TET1: variants seen among roughly 807,000 people sequenced by gnomAD.
TET1 encodes the protein tet methylcytosine dioxygenase 1.
TET1 carries 13 observed loss-of-function variants against 148.7 expected under a neutral mutation model. That is an observed-to-expected ratio of 0.09 (90% confidence interval 0.06 to 0.14). The LOEUF (loss-of-function observed/expected upper bound fraction) is 0.14. Among genes scored for constraint, TET1 ranks in the 10% least tolerant of loss-of-function variants. The pLI, the probability that TET1 is intolerant of heterozygous loss-of-function variation, is 1.00. For missense variants in TET1, 2,182 were observed against 2,553.8 expected, an observed-to-expected ratio of 0.85 and a Z score of 3.14; for synonymous variants, 907 against 937.2, an observed-to-expected ratio of 0.97 and a Z score of 0.59.
chr10:68,588,363 A>G (rs2132832990), intron 2 of TET1, among the ~76,000 whole-genome samples: 2 of 152,326 alleles, frequency 1.3e-5, no homozygotes, highest in South Asian at 2.1e-4. Context: ...CAACAATCGT[A>G]TGAAATATAT....
intron 10 of TET1, 144 bp downstream of exon 10, chr10:68,683,117 AAAG>A: frequency 2.9e-6 from 3 of 1,034,232 alleles, no homozygotes; most frequent in Non-Finnish European, 4.1e-6. Flanking sequence ...AAGTGAAAAA[AAAG>A]AAATAAGTGT....
intron 3 of TET1, among the ~76,000 whole-genome samples, chr10:68,640,803 G>A (rs897826373): frequency 6.6e-6 from 1 of 151,156 alleles, no homozygotes; most frequent in South Asian, 2.1e-4. Context: ...TGCCCGCCTT[G>A]GCCTCCCAAA....
chr10:68,582,490 C>A (rs1172365096), intron 2 of TET1, among the ~76,000 whole-genome samples: 1 of 152,162 alleles, frequency 6.6e-6, no homozygotes, highest in Admixed American at 6.6e-5. Context: ...AATTGTAATA[C>A]CTACATGGGC....
intron 3 of TET1, chr10:68,632,286 C>G: frequency 1.8e-6 from 2 of 1,124,010 alleles, no homozygotes; most frequent in Non-Finnish European, 2.5e-6. Flanking sequence ...CCCGCCACTG[C>G]ACTCCAGCCT....
chr10:68,590,679 T>C (rs1448873854), intron 2 of TET1, among the ~76,000 whole-genome samples: 2 of 151,728 alleles, frequency 1.3e-5, no homozygotes, highest in Admixed American at 6.6e-5. Flanking sequence ...ATAAAAACAA[T>C]TGGAGGCTGA....
At chr10:68,669,474 C>CTTTTTTTTTTTTTTTTTTTTTTTTT (rs3085667) in intron 7 of TET1, among the ~76,000 whole-genome samples, 282 of 61,226 alleles carry the variant, frequency 4.6e-3, no homozygotes, top group Non-Finnish European at 5.9e-3. Flanking sequence ...CCATGCCCAG[C>CTTTTTTTTTTTTTTTTTTTTTTTTT]TTTTTTTTTT....
Position 68,691,390 on chromosome 10 carries a change from A to G in TET1, c.5987A>G (p.Asp1996Gly). Residue 1996 changes from aspartate to glycine, a missense_variant, in exon 12 of 12, where the codon GAC becomes GGC. By Grantham distance (94) the Asp-to-Gly change is moderately conservative (BLOSUM62 -1). This residue lies in a region of TET1 where 380 missense variants were observed against 387.9 expected (regional missense o/e 0.98). Transcript: ENST00000373644. The surrounding 1 kb of genome is among the most constrained non-coding windows in gnomAD (Gnocchi z 4.4). ...CCCCACATTGATGAGTATTGGTCAG[A>G]CAGTGAGCACATCTTTTTGGATGCA... ...KLPHIDEYWS[D>G]SEHIFLDANI... 2 of 1,614,164 alleles carry G rather than the reference A, an allele frequency of 1.2e-6. No homozygotes were observed. Among genetic ancestry groups the G allele is most frequent in the Non-Finnish European group, 1.7e-6 (2 of 1,180,028 alleles).
At chr10:68,678,715 AC>A (rs71474426) in intron 8 of TET1, among the ~76,000 whole-genome samples, 115 of 151,902 alleles carry the variant, frequency 7.6e-4, no homozygotes, top group African/African-American at 2.6e-3. Context: ...GCACCACTGC[AC>A]CCCCCCACAC....
At chr10:68,678,353 T>A (rs1024455053) in intron 8 of TET1, among the ~76,000 whole-genome samples, 1 of 152,172 alleles carries the variant, frequency 6.6e-6, no homozygotes, top group African/African-American at 2.4e-5. Context: ...GAAATCTACA[T>A]GGGAATGTCA....
chr10:68,585,378 C>T (rs190117238), intron 2 of TET1, among the ~76,000 whole-genome samples: 21 of 152,232 alleles, frequency 1.4e-4, no homozygotes, highest in Admixed American at 7.9e-4. Context: ...AGGTGATCAG[C>T]CTGCCTCAGC....
rs755086264 is a variant in TET1, at chr10:68,686,558, C to T, written c.5255C>T (p.Pro1752Leu). The T allele has an allele frequency of 2.5e-6, 4 of 1,613,996 alleles. No homozygotes were observed. The African/African-American group carries it at 5.3e-5, about 22-fold the overall frequency. Residue 1752 changes from proline to leucine, a missense_variant, in exon 11 of 12, where the codon CCC becomes CTC. Physicochemically the swap from Pro to Leu is moderately conservative, Grantham distance 98. Around this residue, in one of 11 missense-constraint regions of TET1, gnomAD observed 380 missense variants for 387.9 expected, o/e 0.98. Coordinates refer to ENST00000373644, the MANE Select transcript of TET1 (RefSeq NM_030625.3). Reference protein sequence around the residue: ...KKRTCFTQPVPRSGKKRAAMM... With the variant: ...KKRTCFTQPVLRSGKKRAAMM... ...AGAACGTGTTTCACTCAGCCTGTTCCCCGTTCTGGAAAGAAGAGGGCTGCG... is the reference window on the plus strand; with the variant it reads ...AGAACGTGTTTCACTCAGCCTGTTCTCCGTTCTGGAAAGAAGAGGGCTGCG...
At chr10:68,603,591 C>A (rs2054085609) in intron 3 of TET1, among the ~76,000 whole-genome samples, 1 of 152,008 alleles carries the variant, frequency 6.6e-6, no homozygotes, top group South Asian at 2.1e-4. Context: ...CAAAACCTAG[C>A]AAAATCCTGT....
intron 4 of TET1, among the ~76,000 whole-genome samples, chr10:68,650,316 G>C (rs1370018275): frequency 6.6e-6 from 1 of 151,872 alleles, no homozygotes; most frequent in Non-Finnish European, 1.5e-5. Flanking sequence ...CTAAGAATAA[G>C]ATAAAATCTA....
Position 68,646,008 on chromosome 10 carries a change from A to G in TET1, c.3279A>G (p.Ile1093Met). The change falls in exon 4 of 12, where the codon ATA becomes ATG. Residue 1093 changes from isoleucine (I) to methionine (M), a missense_variant. Physicochemically the swap from Ile to Met is conservative, Grantham distance 10. Transcript: ENST00000373644. ...QLASIIKINY[I>M]KPEDKKVEST... ...CTTCGATAATTAAGATCAATTATAT[A>G]AAACCAGAGGACAAAAAAGTTGAAA... The G allele has an allele frequency of 6.2e-7, 1 of 1,614,136 alleles. No individual in the cohort carries two copies. The highest frequency in any genetic ancestry group is 8.5e-7 in the Non-Finnish European group (1 of 1,180,038).
At chr10:68,654,381 C>T (rs547908222) in intron 6 of TET1, among the ~76,000 whole-genome samples, 7 of 151,934 alleles carry the variant, frequency 4.6e-5, no homozygotes, top group Non-Finnish European at 7.4e-5. Flanking sequence ...TATGGGAGGC[C>T]GAGTGGGGCA....
intron 6 of TET1, among the ~76,000 whole-genome samples, chr10:68,665,570 T>C (rs1194030417): frequency 6.6e-6 from 1 of 152,136 alleles, no homozygotes; most frequent in Non-Finnish European, 1.5e-5. Context: ...AAACTTGGAA[T>C]ATCCAGAAAA....
At chr10:68,624,897 A>G (rs75256970) in intron 3 of TET1, among the ~76,000 whole-genome samples, 1 of 150,512 alleles carries the variant, frequency 6.6e-6, no homozygotes, top group African/African-American at 2.5e-5. Context: ...ACGCCCAGCT[A>G]ATTTTTTTTT....
rs778620176 is a variant in TET1, at chr10:68,645,459, A to G, written c.2730A>G (p.Pro910=). The change falls in exon 4 of 12, where the codon CCA becomes CCG. Residue 910 remains proline, a synonymous_variant. Coordinates refer to ENST00000373644, the MANE Select transcript of TET1 (RefSeq NM_030625.3). Reference sequence around the variant, plus strand: ...AAGCCCCATCAGAGAATTCCTCCCCATCAAAGTCAGAGAAGGATGAGGAAT... The same window carrying G: ...AAGCCCCATCAGAGAATTCCTCCCCGTCAAAGTCAGAGAAGGATGAGGAAT... ...LSEAPSENSS[P]SKSEKDEESE... 4.3e-6 allele frequency: 7 copies of G among 1,613,896 alleles called. No individual in the cohort carries two copies. Among genetic ancestry groups the G allele is most frequent in the South Asian group, 1.1e-5 (1 of 91,080 alleles).
intron 3 of TET1, among the ~76,000 whole-genome samples, chr10:68,615,421 C>T (rs2054276861): frequency 6.7e-6 from 1 of 150,234 alleles, no homozygotes. Context: ...TTTCAGCTCA[C>T]TGCAACCTCC....
Sources: gnomAD v4.1 joint callset for allele counts (sites outside exome capture counted in the v4.1 genomes callset) on GRCh38, gnomAD v4.1.1 for gene constraint, gnomAD v4.1.1 regional missense constraint, Gnocchi (gnomAD v3.1) non-coding constraint, MANE v1.5 for transcripts, NCBI Gene and HGNC (gene_info 2026-07-23, HGNC 2026-07-21) for gene names.